SBF2: variants seen among roughly 807,000 people sequenced by gnomAD.
SBF2 encodes SET binding factor 2.
A neutral mutation model predicts 225.2 loss-of-function variants in SBF2; 112 were observed. The observed-to-expected ratio is 0.50, with a 90% confidence interval of 0.43 to 0.58. SBF2 has a LOEUF of 0.58. Ranked by LOEUF, SBF2 falls within the 20% of genes least tolerant of loss-of-function variation. SBF2 has a pLI of 0.00. For missense variants in SBF2, 1,996 were observed against 2,206.2 expected, an observed-to-expected ratio of 0.90 and a Z score of 1.91; for synonymous variants, 763 against 773.3, an observed-to-expected ratio of 0.99 and a Z score of 0.22.
chr11:10,003,372 CTTT>C (rs35409690), intron 6 of SBF2, among the ~76,000 whole-genome samples: 1 of 138,760 alleles, frequency 7.2e-6, no homozygotes. Flanking sequence ...TTTCTTTTTT[CTTT>C]TTTTTTTTTT....
At chr11:10,255,101 T>C (rs1262645511) in intron 1 of SBF2, among the ~76,000 whole-genome samples, 2 of 151,590 alleles carry the variant, frequency 1.3e-5, no homozygotes, top group Admixed American at 6.6e-5. Context: ...GTGAGAAGGA[T>C]TGAGGAGATG....
chr11:9,801,787 T>C (rs1853505835), intron 32 of SBF2, among the ~76,000 whole-genome samples: 1 of 152,362 alleles, frequency 6.6e-6, no homozygotes, highest in East Asian at 1.9e-4. Context: ...CTCTTGAATA[T>C]ACCAACAATC....
chr11:9,993,332 A>G (rs1947525603), intron 10 of SBF2, among the ~76,000 whole-genome samples: 1 of 152,206 alleles, frequency 6.6e-6, no homozygotes, highest in Non-Finnish European at 1.5e-5. Flanking sequence ...AGATTCTGTT[A>G]GTCAATGCCT....
chr11:10,234,787 A>C (rs1958997296), intron 1 of SBF2, among the ~76,000 whole-genome samples: 1 of 152,218 alleles, frequency 6.6e-6, no homozygotes, highest in African/African-American at 2.4e-5. Flanking sequence ...AAAAGAATGC[A>C]TGCATCCAAA....
chr11:10,156,025 G>A (rs1955459836), intron 2 of SBF2, among the ~76,000 whole-genome samples: 1 of 152,190 alleles, frequency 6.6e-6, no homozygotes, highest in African/African-American at 2.4e-5. Context: ...ACCAGGCACA[G>A]CTGCAGCCGC....
chr11:10,045,575 G>A (rs1347682004), intron 2 of SBF2, among the ~76,000 whole-genome samples: 1 of 152,144 alleles, frequency 6.6e-6, no homozygotes, highest in Non-Finnish European at 1.5e-5. Flanking sequence ...CCAGGACTTG[G>A]TGACCATTGT....
chr11:10,105,754 T>C (rs1220446233), intron 2 of SBF2, among the ~76,000 whole-genome samples: 1 of 152,192 alleles, frequency 6.6e-6, no homozygotes, highest in Non-Finnish European at 1.5e-5. Context: ...GAAGCATGAA[T>C]GGGTAACCGG....
intron 24 of SBF2, 44 bp from the exon 25 acceptor site, chr11:9,842,814 G>A: frequency 6.2e-7 from 1 of 1,600,278 alleles, no homozygotes; most frequent in Non-Finnish European, 8.6e-7. Context: ...TAATATAAAA[G>A]CACTACTTGT....
At chr11:9,943,979 G>T (rs1204015295) in intron 16 of SBF2, among the ~76,000 whole-genome samples, 1 of 152,134 alleles carries the variant, frequency 6.6e-6, no homozygotes, top group Admixed American at 6.5e-5. Context: ...TTCATTGCCA[G>T]GGCAATGAAA....
chr11:10,005,092 T>C (rs564008898), intron 6 of SBF2, among the ~76,000 whole-genome samples: 24 of 152,262 alleles, frequency 1.6e-4, no homozygotes, highest in African/African-American at 5.3e-4. Context: ...TAATTGGTCA[T>C]AGCTGATGCC....
intron 2 of SBF2, among the ~76,000 whole-genome samples, chr11:10,053,915 G>T (rs1245579607): frequency 6.6e-6 from 1 of 150,812 alleles, no homozygotes; most frequent in Non-Finnish European, 1.5e-5. Flanking sequence ...GTGAGATTCT[G>T]TTCTTCCACC....
intron 6 of SBF2, among the ~76,000 whole-genome samples, chr11:10,025,605 A>G (rs367693255): frequency 2.0e-5 from 3 of 151,736 alleles, no homozygotes; most frequent in African/African-American, 7.3e-5. Flanking sequence ...TTTTTATTTT[A>G]TTTGTTTATT....
intron 1 of SBF2, among the ~76,000 whole-genome samples, chr11:10,215,101 T>C (rs968747841): frequency 2.0e-5 from 3 of 152,182 alleles, no homozygotes; most frequent in African/African-American, 7.2e-5. Flanking sequence ...ATGACAAGGC[T>C]GCCCCACAAA....
At chr11:10,081,490 A>G (rs1951360412) in intron 2 of SBF2, among the ~76,000 whole-genome samples, 1 of 152,136 alleles carries the variant, frequency 6.6e-6, no homozygotes, top group South Asian at 2.1e-4. Flanking sequence ...TGGGCACGGT[A>G]GCTCACACCT....
intron 1 of SBF2, among the ~76,000 whole-genome samples, chr11:10,244,547 T>C (rs967685152): frequency 6.6e-6 from 1 of 152,240 alleles, no homozygotes; most frequent in Non-Finnish European, 1.5e-5. Flanking sequence ...TCAGGAAGTG[T>C]GATGCCTCTA....
chr11:9,951,915 A>T (rs1475657717), intron 16 of SBF2, among the ~76,000 whole-genome samples: 2 of 152,264 alleles, frequency 1.3e-5, no homozygotes. Context: ...GAATGACAGA[A>T]GAAAATAATG....
intron 32 of SBF2, among the ~76,000 whole-genome samples, chr11:9,799,701 G>A (rs1238261093): frequency 2.0e-5 from 3 of 152,170 alleles, no homozygotes; most frequent in Non-Finnish European, 4.4e-5. Flanking sequence ...ATGATGAGAT[G>A]GCTGAACTCT....
At chr11:10,017,717 CCT>C (rs777768392) in intron 6 of SBF2, among the ~76,000 whole-genome samples, 25 of 152,084 alleles carry the variant, frequency 1.6e-4, no homozygotes, top group Non-Finnish European at 2.2e-4. Flanking sequence ...GACTCAACCC[CCT>C]GAGTATGACA....
At chr11:9,807,346 T>G (rs921267484) in intron 32 of SBF2, among the ~76,000 whole-genome samples, 4 of 152,204 alleles carry the variant, frequency 2.6e-5, no homozygotes, top group African/African-American at 7.2e-5. Context: ...CTCACTGCAT[T>G]TGAATGGATA....
Sources: allele counts gnomAD v4.1 joint callset (sites outside exome capture counted in the v4.1 genomes callset), GRCh38; gene constraint gnomAD v4.1.1; transcripts MANE v1.5; gene names NCBI Gene and HGNC (gene_info 2026-07-23, HGNC 2026-07-21).